The following DUSP14 variants were observed in gnomAD, a reference collection of about 807,000 sequenced individuals.
The protein encoded by DUSP14 is dual specificity protein phosphatase 14.
In DUSP14, 5 loss-of-function variants were observed where a neutral mutation model predicts 13.2. The ratio of observed to expected loss-of-function variants is 0.38; its 90% CI spans 0.20 to 0.80. The LOEUF (loss-of-function observed/expected upper bound fraction) is 0.80, where lower values mean the gene tolerates loss of function less well. DUSP14 is among the 30% of genes least tolerant of loss of function. The pLI, the probability that DUSP14 is intolerant of heterozygous loss-of-function variation, is 0.44. For synonymous variants in DUSP14, 91 were observed against 103.4 expected (o/e 0.88, Z 0.73); for missense variants, 185 against 264.0 (o/e 0.70, Z 2.07).
At chr17:37,504,022 T>C (rs9913844) in intron 1 of DUSP14, among the ~76,000 whole-genome samples, 40,645 of 151,858 alleles carry the variant, frequency 0.27, 5,599 homozygotes, top group Admixed American at 0.41. Flanking sequence ...GGTGAAACCC[T>C]GTCTCTACTA....
At position 37,504,687 on chromosome 17, in the gene DUSP14, C is replaced by G. The variant is rs530598591; in HGVS notation, c.-180-5990C>G. 3.3e-5 allele frequency among the ~76,000 whole-genome samples: 5 copies of G among 151,824 alleles called. No homozygotes were observed. The East Asian group carries it at 9.8e-4, about 30-fold the overall frequency. ...CGACTTCCCAGACTCAAGTGACCTC[C>G]TCATCTCGGCCTCCTGAGTAGCTGG... On this transcript the variant is annotated intron_variant, in intron 1 of 2. Transcript: ENST00000617516.
At chr17:37,494,143 G>A (rs1337511345) in intron 1 of DUSP14, among the ~76,000 whole-genome samples, 9 of 151,876 alleles carry the variant, frequency 5.9e-5, no homozygotes, top group African/African-American at 1.2e-4. Flanking sequence ...ACAGGTGCCC[G>A]TCACCATGCC....
At chr17:37,495,243 C>T (rs2143054987) in intron 1 of DUSP14, among the ~76,000 whole-genome samples, 1 of 152,266 alleles carries the variant, frequency 6.6e-6, no homozygotes, top group South Asian at 2.1e-4. Flanking sequence ...ACAGCCATGC[C>T]CTTTCATGTG....
chr17:37,497,916 C>T (rs2054076568), intron 1 of DUSP14, among the ~76,000 whole-genome samples: 1 of 151,950 alleles, frequency 6.6e-6, no homozygotes, highest in Non-Finnish European at 1.5e-5. Flanking sequence ...CATGGTGGCG[C>T]ACCCCTGTAG....
At chr17:37,488,596 G>T (rs371736994), upstream of DUSP14, among the ~76,000 whole-genome samples, 10 of 152,182 alleles carry the variant, frequency 6.6e-5, no homozygotes, top group African/African-American at 2.4e-4. Flanking sequence ...AAAGTATGCT[G>T]CTTTGTTTTC....
rs1024054449 is a variant in DUSP14, at chr17:37,513,232, A to AT, written c.*365dup. 1.6e-4 allele frequency: 38 copies of AT among 234,694 alleles called. No homozygotes were observed. Among genetic ancestry groups the AT allele is most frequent in the African/African-American group, 7.9e-4 (35 of 44,064 alleles). The allele number at this position is 234,694 out of a possible 1,614,324, so 14.5% of individuals were successfully genotyped here. On this transcript the variant is annotated 3_prime_UTR_variant, in exon 3 of 3. Coordinates refer to ENST00000617516, the MANE Select transcript of DUSP14 (RefSeq NM_007026.4). ...AGTGCAAAAATCACTTTGGGGCCTCATTAACCCTTTAGAGACAAGCTTTGC... is the reference window on the plus strand; with the variant it reads ...AGTGCAAAAATCACTTTGGGGCCTCATTTAACCCTTTAGAGACAAGCTTTGC...
intron 1 of DUSP14, among the ~76,000 whole-genome samples, chr17:37,506,234 T>G (rs1160149173): frequency 2.0e-5 from 3 of 151,836 alleles, no homozygotes; most frequent in Admixed American, 6.6e-5. Context: ...CATTGCACTC[T>G]AGTCTGGGTG....
At chr17:37,489,402 G>T (rs913573169), upstream of DUSP14, among the ~76,000 whole-genome samples, 24 of 152,116 alleles carry the variant, frequency 1.6e-4, no homozygotes, top group Non-Finnish European at 2.9e-4. Context: ...TTTTCCCTTC[G>T]CTCTTGGGTC....
chr17:37,495,279 G>A (rs758316830), intron 1 of DUSP14, among the ~76,000 whole-genome samples: 3 of 152,318 alleles, frequency 2.0e-5, no homozygotes, highest in Admixed American at 1.3e-4. Context: ...ACCTGGGCAC[G>A]TCCCATTCTG....
rs1329764853 is a variant in DUSP14 at position 37,511,937 on chromosome 17, A to AG, written c.-92-244_-92-243insG. 1.3e-3 allele frequency among the ~76,000 whole-genome samples: 22 copies of AG among 16,434 alleles called. 3 individuals are homozygous for AG. Among genetic ancestry groups the AG allele is most frequent in the Non-Finnish European group, 1.8e-3 (16 of 8,656 alleles). The allele number at this position is 16,434 out of a possible 152,430, so 10.8% of individuals were successfully genotyped here. The stretch of plus-strand genomic sequence containing the variant: ...TGCCCAGCCACCCCCCCCCCACCCC[A>AG]CTTTTTTTTTTTTTTTTTTGGACAA... On this transcript the variant is annotated intron_variant, in intron 2 of 2. Transcript: ENST00000617516.
At chr17:37,502,088 C>A (rs1260989268) in intron 1 of DUSP14, among the ~76,000 whole-genome samples, 2 of 152,130 alleles carry the variant, frequency 1.3e-5, no homozygotes, top group Admixed American at 6.5e-5. Context: ...CTGTATATCC[C>A]TGCTCTAGTT....
At chr17:37,498,293 G>C (rs2054079040) in intron 1 of DUSP14, among the ~76,000 whole-genome samples, 1 of 123,058 alleles carries the variant, frequency 8.1e-6, no homozygotes, top group East Asian at 2.2e-4. Context: ...AGTAGAACTT[G>C]TTTTGTGTAC....
chr17:37,489,674 G>T (rs994764270), upstream of DUSP14, among the ~76,000 whole-genome samples: 1 of 151,798 alleles, frequency 6.6e-6, no homozygotes, highest in Non-Finnish European at 1.5e-5. Context: ...GCGCTCTAGG[G>T]GAGGCTGCTG....
intron 1 of DUSP14, among the ~76,000 whole-genome samples, chr17:37,493,696 A>T (rs146953157): frequency 1.6e-3 from 239 of 149,020 alleles, no homozygotes; most frequent in African/African-American, 5.6e-3. Flanking sequence ...TTTGGAACAG[A>T]TGAGTAGTTA....
intron 1 of DUSP14, among the ~76,000 whole-genome samples, chr17:37,499,303 A>G (rs2143075033): frequency 6.6e-6 from 1 of 152,248 alleles, no homozygotes; most frequent in South Asian, 2.1e-4. Flanking sequence ...ACAGAGCCTA[A>G]CCATATCAGT....
At chr17:37,499,927 G>A (rs1164390885) in intron 1 of DUSP14, among the ~76,000 whole-genome samples, 2 of 152,186 alleles carry the variant, frequency 1.3e-5, no homozygotes, top group Admixed American at 6.5e-5. Flanking sequence ...TAAAGCCAAG[G>A]GAATAACTTC....
At chr17:37,509,302 G>GTC (rs2054167435) in intron 1 of DUSP14, among the ~76,000 whole-genome samples, 2 of 111,654 alleles carry the variant, frequency 1.8e-5, no homozygotes, top group African/African-American at 7.0e-5. Flanking sequence ...TATATAGTGT[G>GTC]TGTGTGTGTG....
rs377598867 is a variant in DUSP14 at position 37,512,810 on chromosome 17, A to G, written c.538A>G (p.Ile180Val). The change falls in exon 3 of 3, where the codon ATA becomes GTA. Residue 180 changes from isoleucine (I) to valine (V), a missense_variant. Ile to Val is a conservative substitution (Grantham distance 29). Transcript: ENST00000617516. The surrounding 1 kb of genome is among the most constrained non-coding windows in gnomAD (Gnocchi z 4.8). Reference protein sequence around the residue: ...TVKMVQTPYGIVPDVYEKESR... With the variant: ...TVKMVQTPYGVVPDVYEKESR... The stretch of plus-strand genomic sequence containing the variant: ...TAAAATGGTACAGACACCTTATGGC[A>G]TAGTTCCCGACGTCTATGAGAAGGA... 234 of 1,613,216 alleles carry G rather than the reference A, an allele frequency of 1.5e-4. No homozygotes were observed. The highest frequency in any genetic ancestry group is 8.2e-4 in the Middle Eastern group (5 of 6,084).
Position 37,509,137 on chromosome 17 carries a change from A to ATATATATATG in DUSP14, c.-180-1540_-180-1539insTATATATATG, listed in dbSNP as rs1568204463. On this transcript the variant is annotated intron_variant, in intron 1 of 2. Transcript: ENST00000617516. The stretch of plus-strand genomic sequence containing the variant: ...TATATATATATATATATACACACAC[A>ATATATATATG]CACACACACACACACACACACACAC... 6.4e-3 allele frequency among the ~76,000 whole-genome samples: 295 copies of ATATATATATG among 46,406 alleles called. 30 individuals are homozygous for ATATATATATG. Among genetic ancestry groups the ATATATATATG allele is most frequent in the African/African-American group, 9.2e-3 (80 of 8,724 alleles). The allele number at this position is 46,406 out of a possible 152,430, so 30.4% of individuals were successfully genotyped here. A position where few individuals can be genotyped will look rare whatever the true frequency, so the allele number is the denominator to read the frequency against.
Sources: allele counts gnomAD v4.1 joint callset (sites outside exome capture counted in the v4.1 genomes callset), GRCh38; gene constraint gnomAD v4.1.1; non-coding constraint Gnocchi (gnomAD v3.1); transcripts MANE v1.5; gene names NCBI Gene and HGNC (gene_info 2026-07-23, HGNC 2026-07-21).